PCDHA3: variants seen among roughly 807,000 people sequenced by gnomAD.
PCDHA3 encodes the protein protocadherin alpha 3, also known as protocadherin alpha-3.
PCDHA3 carries 41 observed loss-of-function variants against 62.2 expected under a neutral mutation model. That is an observed-to-expected ratio of 0.66 (90% CI 0.51 to 0.86). The LOEUF is 0.86. PCDHA3 is among the 40% of genes least tolerant of loss of function. The probability of loss-of-function intolerance (pLI) is 0.00; values close to 1 mark genes in which losing one functional copy is unlikely to be tolerated. For missense variants in PCDHA3, 1,304 were observed against 1,241.2 expected (o/e 1.05, Z -0.76); for synonymous variants, 640 against 555.4 (o/e 1.15, Z -2.14).
At chr5:140,988,698 A>AT (rs782470160) in intron 3 of PCDHA3, among the ~76,000 whole-genome samples, 115 of 152,234 alleles carry the variant, frequency 7.6e-4, no homozygotes, top group Middle Eastern at 6.8e-3. Flanking sequence ...GACGCTCTGT[A>AT]TTTTCTTGGA....
chr5:140,835,424 T>C (rs2150235453), intron 1 of PCDHA3: 4 of 1,613,962 alleles, frequency 2.5e-6, no homozygotes, highest in South Asian at 2.2e-5. Flanking sequence ...ATGACAATGC[T>C]CCACAGTTGA....
In PCDHA3 at chr5:140,915,928, T is replaced by C. The variant is rs141949892; in HGVS notation, c.2395-63021T>C. ...CAGGCCCAGAGATGCTACTTGGGAG[T>C]CAGGGATTGGAGTCAAAATACTTAG... On this transcript the variant is annotated intron_variant, in intron 1 of 3. Coordinates refer to ENST00000522353, the MANE Select transcript of PCDHA3 (RefSeq NM_018906.3). Among the ~76,000 whole-genome samples the C allele has an allele frequency of 8.0e-3, 1,213 of 151,944 alleles. 5 individuals carry two copies. The highest frequency in any genetic ancestry group is 0.019 in the African/African-American group (783 of 41,424).
intron 1 of PCDHA3, chr5:140,881,303 C>G (rs2058657354): frequency 2.1e-6 from 2 of 962,486 alleles, no homozygotes; most frequent in African/African-American, 1.8e-5. Flanking sequence ...GAAACTTTAA[C>G]CTCCTGGTTA....
In PCDHA3 at chr5:140,920,604, G is replaced by A. The variant is rs182788075; in HGVS notation, c.2395-58345G>A. 4.8e-4 allele frequency among the ~76,000 whole-genome samples: 73 copies of A among 152,238 alleles called. No homozygotes were observed. In the East Asian group the frequency reaches 0.011, roughly 22 times the overall value. On this transcript the variant is annotated intron_variant, in intron 1 of 3. Transcript: ENST00000522353. ...CTCACGCCTGTAATCCCAGCACTTT[G>A]GGAGGCCGAGGCGGATGGATCACAA...
chr5:140,886,565 C>T (rs1298575680), intron 1 of PCDHA3, among the ~76,000 whole-genome samples: 1 of 152,100 alleles, frequency 6.6e-6, no homozygotes, highest in Admixed American at 6.5e-5. Flanking sequence ...CGGTGGCTCA[C>T]GCCTGTAATC....
chr5:140,856,303 G>C (rs1554148515), intron 1 of PCDHA3: 1 of 1,598,648 alleles, frequency 6.3e-7, no homozygotes, highest in Non-Finnish European at 8.6e-7. Flanking sequence ...TTTTGTTTGT[G>C]AATTCTCGGA....
rs781793277 is a variant in PCDHA3, at chr5:140,803,035, C to T, written c.1838C>T (p.Pro613Leu). 1.7e-5 allele frequency: 28 copies of T among 1,613,900 alleles called. No individual in the cohort carries two copies. The highest frequency in any genetic ancestry group is 5.0e-5 in the Admixed American group (3 of 60,010). ...GCGTGGCTTTCGTATGAGCTGCAGC[C>T]TGGGACCGGCGGTGCGCGCATCCCG... ...YNAWLSYELQ[P>L]GTGGARIPFR... Residue 613 changes from proline to leucine, a missense_variant, in exon 1 of 4, where the codon CCT (proline) becomes CTT (leucine). Physicochemically the swap from Pro to Leu is moderately conservative, Grantham distance 98. Transcript: ENST00000522353.
intron 1 of PCDHA3, among the ~76,000 whole-genome samples, chr5:140,886,068 GC>G (rs1462692271): frequency 5.3e-5 from 8 of 152,098 alleles, no homozygotes; most frequent in African/African-American, 9.7e-5. Context: ...AAAGCGTAGG[GC>G]CATACCACAA....
intron 3 of PCDHA3, among the ~76,000 whole-genome samples, chr5:140,993,560 A>G (rs2097572904): frequency 6.6e-6 from 1 of 151,740 alleles, no homozygotes; most frequent in Non-Finnish European, 1.5e-5. Context: ...AGTATATAGT[A>G]TCCTTTCTAG....
chr5:140,876,960 G>A (rs781808609), intron 1 of PCDHA3: 4 of 1,613,122 alleles, frequency 2.5e-6, no homozygotes, highest in East Asian at 4.5e-5. Context: ...CGCTGGTGGA[G>A]CGGCGGGTGG....
At chr5:140,824,937 T>C (rs1164834438) in intron 1 of PCDHA3, 1 of 152,184 alleles carries the variant, frequency 6.6e-6, no homozygotes, top group African/African-American at 2.4e-5. Flanking sequence ...ATTTGATAAT[T>C]GTAATTTAAA....
At chr5:140,929,217 C>T (rs1183459158) in intron 1 of PCDHA3, 1 of 1,614,016 alleles carries the variant, frequency 6.2e-7, no homozygotes, top group Non-Finnish European at 8.5e-7. Flanking sequence ...GTGGGGAGTA[C>T]AATGCTGCCG....
chr5:140,953,960 A>G (rs2153700982), intron 1 of PCDHA3, among the ~76,000 whole-genome samples: 1 of 152,088 alleles, frequency 6.6e-6, no homozygotes, highest in South Asian at 2.1e-4. Flanking sequence ...AACAGGCCCC[A>G]GTGTGTGTTG....
chr5:140,816,757 T>TTG (rs2126674683), intron 1 of PCDHA3: 2 of 152,170 alleles, frequency 1.3e-5, no homozygotes, highest in Non-Finnish European at 2.9e-5. Context: ...TTCTATGGAC[T>TTG]TGTGTGTATA....
intron 1 of PCDHA3, among the ~76,000 whole-genome samples, chr5:140,901,810 T>C (rs2068911855): frequency 6.6e-6 from 1 of 152,336 alleles, no homozygotes; most frequent in African/African-American, 2.4e-5. Flanking sequence ...ATTTTTACAA[T>C]ATTGATTCTT....
intron 1 of PCDHA3, among the ~76,000 whole-genome samples, chr5:140,806,431 C>A (rs1264694270): frequency 6.6e-6 from 1 of 152,182 alleles, no homozygotes; most frequent in Non-Finnish European, 1.5e-5. Flanking sequence ...ATTTGGAATG[C>A]TTTTCCATGC....
Position 140,807,844 on chromosome 5 carries a change from A to T in PCDHA3, c.2394+4253A>T, listed in dbSNP as rs782535026. ...TGCTCACAGCCACTGATGGAGGCAAACCCGAGTTGACTGGCACCGTTCAGT... is the reference window on the plus strand; with the variant it reads ...TGCTCACAGCCACTGATGGAGGCAATCCCGAGTTGACTGGCACCGTTCAGT... On this transcript the variant is annotated intron_variant, in intron 1 of 3. Transcript: ENST00000522353. 1.5e-5 allele frequency: 24 copies of T among 1,614,148 alleles called. 1 individual carries two copies. In the African/African-American group the frequency reaches 3.1e-4, roughly 21 times the overall value.
chr5:140,870,731 C>T (rs782095287), intron 1 of PCDHA3: 3 of 1,613,444 alleles, frequency 1.9e-6, no homozygotes, highest in Non-Finnish European at 2.5e-6. Context: ...GGCGTGCCGC[C>T]TCTGAGCAGC....
At chr5:140,850,112 C>A (rs2150468097) in intron 1 of PCDHA3, 1 of 1,596,024 alleles carries the variant, frequency 6.3e-7, no homozygotes, top group Non-Finnish European at 8.6e-7. Context: ...GCGCGCGCGA[C>A]GCGGGCGTGC....
Sources: allele counts gnomAD v4.1 joint callset (sites outside exome capture counted in the v4.1 genomes callset), GRCh38; gene constraint gnomAD v4.1.1; transcripts MANE v1.5; gene names NCBI Gene and HGNC (gene_info 2026-07-23, HGNC 2026-07-21).